The following CDON variants were observed in gnomAD, a reference collection of about 807,000 sequenced individuals.
The protein encoded by CDON is cell adhesion associated, oncogene regulated, also known as cell adhesion molecule-related/down-regulated by oncogenes.
Under a neutral mutation model 120.9 loss-of-function variants are expected in CDON, and 73 were observed. The observed-to-expected ratio is 0.60, with a 90% CI of 0.50 to 0.73. CDON has a LOEUF of 0.73. Among genes scored for constraint, CDON ranks in the 30% least tolerant of loss-of-function variants. The pLI is 0.00. For synonymous variants in CDON, 566 were observed against 573.5 expected, an observed-to-expected ratio of 0.99 and a Z score of 0.19; for missense variants, 1,470 against 1,587.3, an observed-to-expected ratio of 0.93 and a Z score of 1.26.
intron 1 of CDON, among the ~76,000 whole-genome samples, chr11:126,055,007 A>G (rs1948650252): frequency 6.6e-6 from 1 of 152,218 alleles, no homozygotes; most frequent in Non-Finnish European, 1.5e-5. Context: ...CATCCAATTA[A>G]AGACCTGGGC....
intron 6 of CDON, among the ~76,000 whole-genome samples, 192 bp downstream of exon 6, chr11:126,016,896 C>T (rs371512328): frequency 4.6e-5 from 7 of 151,892 alleles, no homozygotes; most frequent in African/African-American, 1.7e-4. Flanking sequence ...ATATTCCATG[C>T]GAAATGCTCT....
chr11:126,053,260 T>C (rs1467705071), intron 1 of CDON, among the ~76,000 whole-genome samples: 1 of 152,208 alleles, frequency 6.6e-6, no homozygotes, highest in Non-Finnish European at 1.5e-5. Context: ...GGGTACAACA[T>C]AGCAGTTAAG....
At position 125,959,555 on chromosome 11, in the gene CDON, T is replaced by A. The variant is rs1301745933; in HGVS notation, c.*1387A>T. 1 of 151,876 alleles carries A rather than the reference T, an allele frequency of 6.6e-6. No homozygotes were observed. Among genetic ancestry groups the A allele is most frequent in the Admixed American group, 6.6e-5 (1 of 15,246 alleles). 9.4% of individuals were successfully genotyped at this position (151,876 alleles called of 1,614,324 possible). ...TAGGTGCCTATTTACAAGGGTGACA[T>A]TCTGAAAAAGGTATCAGGAAATTTC... is the stretch of plus-strand genomic sequence containing the variant. On this transcript the variant is annotated 3_prime_UTR_variant, in exon 20 of 20. Transcript: ENST00000531738.
intron 18 of CDON, among the ~76,000 whole-genome samples, chr11:125,975,363 C>T (rs1199706297): frequency 6.6e-6 from 1 of 151,970 alleles, no homozygotes; most frequent in African/African-American, 2.4e-5. Flanking sequence ...CAGTACATGA[C>T]AGGCACTCAA....
chr11:126,013,434 C>T (rs1042446269), intron 7 of CDON, among the ~76,000 whole-genome samples: 9 of 152,260 alleles, frequency 5.9e-5, no homozygotes, highest in Non-Finnish European at 1.3e-4. Flanking sequence ...AATCATCTGG[C>T]CCCTTATTTT....
chr11:126,015,457 T>A lies in CDON; in HGVS notation c.982A>T (p.Thr328Ser). ...LQDQIVSLGA[T>S]VHFTCDVHGN... ...TGAACGTCGCAGGTAAAGTGTACTGTGGCACCCAGAGACACTATCTGATCC... is the reference window on the plus strand; with the variant it reads ...TGAACGTCGCAGGTAAAGTGTACTGAGGCACCCAGAGACACTATCTGATCC... The change falls in exon 7 of 20, where the codon ACA becomes TCA. Residue 328 changes from threonine to serine, a missense_variant. Thr to Ser is a moderately conservative substitution (Grantham distance 58, BLOSUM62 1). Coordinates refer to ENST00000531738, the MANE Select transcript of CDON (RefSeq NM_001378964.1). 1.2e-6 allele frequency: 2 copies of A among 1,613,928 alleles called. No homozygotes were observed. Among genetic ancestry groups the A allele is most frequent in the Non-Finnish European group, 1.7e-6 (2 of 1,179,794 alleles).
intron 12 of CDON, among the ~76,000 whole-genome samples, chr11:125,995,591 A>T (rs1319958209): frequency 2.0e-5 from 3 of 152,224 alleles, no homozygotes; most frequent in African/African-American, 4.8e-5. Flanking sequence ...ACTACTGTGG[A>T]AGGAATTGTT....
In CDON at chr11:125,983,917, T is replaced by C. The variant is rs778176823; in HGVS notation, c.2950A>G (p.Ile984Val). 4 of 1,614,136 alleles carry C rather than the reference T, an allele frequency of 2.5e-6. No homozygotes were observed. Among genetic ancestry groups the C allele is most frequent in the Non-Finnish European group, 3.4e-6 (4 of 1,180,028 alleles). ...GVMVLILMVF[I>V]AMCLWKNRQQ... ...CGATTCTTCCACAGGCACATTGCAA[T>C]GAAAACCATCAGAATGAGGACCATG... The change falls in exon 16 of 20, where the codon ATT (isoleucine) becomes GTT (valine). Residue 984 changes from isoleucine to valine, a missense_variant. Transcript: ENST00000531738.
Position 125,971,116 on chromosome 11 carries a change from G to A in CDON, c.3356+7188C>T, listed in dbSNP as rs367994103. Among the ~76,000 whole-genome samples, 43 of 152,196 alleles carry A rather than the reference G, an allele frequency of 2.8e-4. No individual in the cohort carries two copies. The East Asian group carries it at 6.8e-3, about 24-fold the overall frequency. ...CTATGATAATTAACGTTCTCCGGTG[G>A]CTCACGCCTGTAATCCCAGTACTTT... On this transcript the variant is annotated intron_variant, in intron 18 of 19. Transcript: ENST00000531738.
intron 15 of CDON, among the ~76,000 whole-genome samples, chr11:125,984,991 A>T (rs1404565225): frequency 1.3e-5 from 2 of 152,138 alleles, no homozygotes; most frequent in African/African-American, 4.8e-5. Context: ...AAAGCTAGTA[A>T]CAGGTGGGAC....
At chr11:125,974,142 C>T (rs1412735673) in intron 18 of CDON, among the ~76,000 whole-genome samples, 5 of 151,990 alleles carry the variant, frequency 3.3e-5, no homozygotes, top group East Asian at 3.9e-4. Context: ...GTGATCCGCC[C>T]GCCATAGCCT....
Position 126,027,969 on chromosome 11 carries a change from CTT to C in CDON, c.-61-4434_-61-4433del, listed in dbSNP as rs769832631. On this transcript the variant is annotated intron_variant, in intron 1 of 19. Transcript: ENST00000531738. Reference sequence around the variant, plus strand: ...AGAATTCTGACTTAAATCACTCTGCCTTTTTTTTTTTTTTTTTTTACTTTAGG... The same window carrying C: ...AGAATTCTGACTTAAATCACTCTGCCTTTTTTTTTTTTTTTTTACTTTAGG... Among the ~76,000 whole-genome samples, 235 of 125,726 alleles carry C rather than the reference CTT, an allele frequency of 1.9e-3. 1 individual carries two copies. Among genetic ancestry groups the C allele is most frequent in the Middle Eastern group, 4.4e-3 (1 of 228 alleles). The allele number at this position is 125,726 out of a possible 152,430, so 82.5% of individuals were successfully genotyped here.
intron 3 of CDON, among the ~76,000 whole-genome samples, chr11:126,020,054 A>AG (rs1947589699): frequency 6.6e-6 from 1 of 151,710 alleles, no homozygotes; most frequent in Non-Finnish European, 1.5e-5. Context: ...CTGTCTCAAG[A>AG]GAAAAAAAAA....
chr11:125,971,608 C>T (rs892354480), intron 18 of CDON, among the ~76,000 whole-genome samples: 2 of 152,270 alleles, frequency 1.3e-5, no homozygotes, highest in Non-Finnish European at 2.9e-5. Flanking sequence ...AGTAGTTTTA[C>T]TACTTCTCTT....
At position 126,058,680 on chromosome 11, in the gene CDON, T is replaced by C. The variant is rs150070409; in HGVS notation, c.-62+3899A>G. Among the ~76,000 whole-genome samples the C allele has an allele frequency of 2.6e-5, 4 of 152,348 alleles. No individual in the cohort carries two copies. In the East Asian group the frequency reaches 7.7e-4, roughly 29 times the overall value. On this transcript the variant is annotated intron_variant, in intron 1 of 19. Transcript: ENST00000531738. ...ACCAGGAGCATTGGAATTCACATTCTTGGTAGATGAAAACCAATTAACTAC... is the reference window on the plus strand; with the variant it reads ...ACCAGGAGCATTGGAATTCACATTCCTGGTAGATGAAAACCAATTAACTAC...
At chr11:125,970,025 T>A (rs558577591) in intron 18 of CDON, among the ~76,000 whole-genome samples, 114 of 152,300 alleles carry the variant, frequency 7.5e-4, no homozygotes, top group African/African-American at 2.7e-3. Context: ...TCTGATTAGA[T>A]GACTATATAA....
chr11:126,004,348 T>C, intron 9 of CDON: 1 of 464,714 alleles, frequency 2.2e-6, no homozygotes, highest in South Asian at 2.3e-5. Context: ...CCTCCCAGAC[T>C]CTGTTTCCTT....
At chr11:125,981,591 A>G (rs1052497506) in intron 16 of CDON, among the ~76,000 whole-genome samples, 3 of 152,214 alleles carry the variant, frequency 2.0e-5, no homozygotes, top group Admixed American at 6.5e-5. Context: ...AGTTACTGCT[A>G]TTATTTTCCA....
chr11:126,014,489 T>C (rs1947401472), intron 7 of CDON, among the ~76,000 whole-genome samples: 2 of 152,200 alleles, frequency 1.3e-5, no homozygotes, highest in South Asian at 2.1e-4. Flanking sequence ...ATAACGACTA[T>C]GGAGAGTGAT....
Sources: allele counts gnomAD v4.1 joint callset (sites outside exome capture counted in the v4.1 genomes callset), GRCh38; gene constraint gnomAD v4.1.1; transcripts MANE v1.5; gene names NCBI Gene and HGNC (gene_info 2026-07-23, HGNC 2026-07-21).